The following NLGN1 variants were observed in gnomAD, a reference collection of about 807,000 sequenced individuals.
NLGN1 encodes neuroligin-1.
NLGN1 carries 12 observed loss-of-function variants against 65.5 expected under a neutral mutation model. That is an observed-to-expected ratio of 0.18 (90% CI 0.12 to 0.30). NLGN1 has a LOEUF of 0.30. Among genes scored for constraint, NLGN1 ranks in the 10% least tolerant of loss-of-function variants. The pLI, the probability that NLGN1 is intolerant of heterozygous loss-of-function variation, is 1.00. For missense variants in NLGN1, 750 were observed against 1,007.1 expected (o/e 0.74, Z 3.46); for synonymous variants, 350 against 359.5 (o/e 0.97, Z 0.30).
At chr3:173,878,926 G>C (rs1732703260) in intron 4 of NLGN1, among the ~76,000 whole-genome samples, 1 of 152,020 alleles carries the variant, frequency 6.6e-6, no homozygotes, top group Admixed American at 6.6e-5. Flanking sequence ...GAAATTGACA[G>C]TTCCGTCAGA....
At chr3:173,674,252 A>G (rs1762829958) in intron 3 of NLGN1, among the ~76,000 whole-genome samples, 1 of 152,216 alleles carries the variant, frequency 6.6e-6, no homozygotes, top group South Asian at 2.1e-4. Context: ...GAAAGTAAAT[A>G]TATGAACAAT....
Position 173,534,599 on chromosome 3 carries a change from A to G in NLGN1, c.-320-69680A>G, listed in dbSNP as rs7652196. 4.3e-3 allele frequency among the ~76,000 whole-genome samples: 652 copies of G among 152,358 alleles called. 5 individuals are homozygous for G. Among genetic ancestry groups the G allele is most frequent in the African/African-American group, 0.015 (613 of 41,586 alleles). On this transcript the variant is annotated intron_variant, in intron 2 of 6. Coordinates refer to ENST00000457714, the Ensembl canonical transcript of NLGN1. ...TATGCTTTCTAGGGCAGGAGCTATA[A>G]TAGTAAGAATCAACTAAAATGAATG...
At chr3:174,231,505 A>G (rs937348816) in intron 4 of NLGN1, among the ~76,000 whole-genome samples, 8 of 152,190 alleles carry the variant, frequency 5.3e-5, no homozygotes, top group African/African-American at 1.2e-4. Context: ...CTACTAAGCT[A>G]GGTTTTCAAT....
intron 4 of NLGN1, among the ~76,000 whole-genome samples, chr3:174,242,865 C>T (rs1743150212): frequency 6.6e-6 from 1 of 151,814 alleles, no homozygotes. Context: ...AAAATGTTGG[C>T]GACCAGTGCC....
chr3:173,711,273 A>T (rs571823587), intron 3 of NLGN1, among the ~76,000 whole-genome samples: 1 of 152,330 alleles, frequency 6.6e-6, no homozygotes, highest in South Asian at 2.1e-4. Flanking sequence ...ATGGCTAAAA[A>T]CCAACAGTGG....
intron 4 of NLGN1, among the ~76,000 whole-genome samples, chr3:174,112,397 A>G (rs987155238): frequency 1.3e-5 from 2 of 152,004 alleles, no homozygotes; most frequent in African/African-American, 4.8e-5. Context: ...GAACAAATTG[A>G]CAACATAGAG....
intron 2 of NLGN1, among the ~76,000 whole-genome samples, chr3:173,493,992 G>A (rs572485746): frequency 6.6e-6 from 1 of 151,740 alleles, no homozygotes; most frequent in Non-Finnish European, 1.5e-5. Context: ...TACCAAAAAT[G>A]GTTGATAGTT....
chr3:173,672,725 G>A lies in NLGN1; in HGVS notation c.493+67634G>A, dbSNP rs182560709. 1.8e-4 allele frequency among the ~76,000 whole-genome samples: 27 copies of A among 152,282 alleles called. 1 individual carries two copies. The East Asian group carries it at 5.0e-3, about 28-fold the overall frequency. ...TTTCAACTTAGGTTACCTCATTCAA[G>A]CCTTAATATCATTATGTATAACATT... On this transcript the variant is annotated intron_variant, in intron 3 of 6. Coordinates refer to ENST00000457714, the Ensembl canonical transcript of NLGN1.
At chr3:173,607,701 TATATATACTA>T (rs1431327107) in intron 3 of NLGN1, among the ~76,000 whole-genome samples, 4 of 151,692 alleles carry the variant, frequency 2.6e-5, no homozygotes, top group African/African-American at 9.7e-5. Context: ...TATCTGTTTA[TATATATACTA>T]ATATATACTG....
chr3:174,139,043 G>A (rs1054087826), intron 4 of NLGN1, among the ~76,000 whole-genome samples: 11 of 152,034 alleles, frequency 7.2e-5, no homozygotes, highest in African/African-American at 2.7e-4. Flanking sequence ...ATATTTTGTA[G>A]TAAAATTAAA....
At chr3:173,546,087 G>A (rs1470028205) in intron 2 of NLGN1, among the ~76,000 whole-genome samples, 1 of 152,080 alleles carries the variant, frequency 6.6e-6, no homozygotes, top group East Asian at 1.9e-4. Flanking sequence ...AGAACTTAAA[G>A]TATATTTTTA....
intron 2 of NLGN1, among the ~76,000 whole-genome samples, chr3:173,578,014 A>G (rs1404801194): frequency 6.6e-6 from 1 of 152,136 alleles, no homozygotes; most frequent in Non-Finnish European, 1.5e-5. Context: ...AGGCAGGTGG[A>G]TCACGAGGTC....
chr3:173,696,401 T>C (rs1274633290), intron 3 of NLGN1, among the ~76,000 whole-genome samples: 2 of 152,148 alleles, frequency 1.3e-5, no homozygotes, highest in Non-Finnish European at 2.9e-5. Flanking sequence ...GTTTTATAGG[T>C]ATAGCTACCA....
chr3:173,965,853 C>T (rs1336883168), intron 4 of NLGN1, among the ~76,000 whole-genome samples: 3 of 152,036 alleles, frequency 2.0e-5, no homozygotes, highest in African/African-American at 7.2e-5. Context: ...TGCTATAGTA[C>T]CTATACATTC....
At chr3:174,133,029 A>AT (rs1720501812) in intron 4 of NLGN1, among the ~76,000 whole-genome samples, 1 of 152,144 alleles carries the variant, frequency 6.6e-6, no homozygotes, top group East Asian at 1.9e-4. Flanking sequence ...TACTGCCAGT[A>AT]AACTAAAAAT....
chr3:173,812,924 T>C (rs1182030657), intron 4 of NLGN1, among the ~76,000 whole-genome samples: 4 of 149,834 alleles, frequency 2.7e-5, no homozygotes, highest in Non-Finnish European at 5.9e-5. Flanking sequence ...AAAAAAGAGC[T>C]TTCACTATAG....
intron 4 of NLGN1, among the ~76,000 whole-genome samples, chr3:174,080,225 C>A (rs1035249678): frequency 6.6e-6 from 1 of 152,122 alleles, no homozygotes; most frequent in Admixed American, 6.6e-5. Flanking sequence ...AATAAATTAA[C>A]CCTTTCCTAT....
chr3:174,285,676 G>A (rs1396436439), exon 7 of NLGN1: 1 of 151,378 alleles, frequency 6.6e-6, no homozygotes, highest in Non-Finnish European at 1.5e-5. Flanking sequence ...GCACGTTGCT[G>A]TATTTGGATG....
intron 2 of NLGN1, among the ~76,000 whole-genome samples, chr3:173,464,835 G>A (rs1724056795): frequency 6.6e-6 from 1 of 151,962 alleles, no homozygotes; most frequent in Non-Finnish European, 1.5e-5. Context: ...GCAGAGGTTA[G>A]TCTTCAAATG....
Sources: allele counts gnomAD v4.1 joint callset (sites outside exome capture counted in the v4.1 genomes callset), GRCh38; gene constraint gnomAD v4.1.1; transcripts MANE v1.5; gene names NCBI Gene and HGNC (gene_info 2026-07-23, HGNC 2026-07-21).